The following TOGARAM1 variants were observed in gnomAD, a reference collection of about 807,000 sequenced individuals.
TOGARAM1 encodes TOG array regulator of axonemal microtubules 1, also known as TOG array regulator of axonemal microtubules protein 1.
TOGARAM1 carries 100 observed loss-of-function variants against 166.6 expected under a neutral mutation model. The observed-to-expected ratio is 0.60, with a 90% CI of 0.51 to 0.71. TOGARAM1 has a LOEUF of 0.71. Ranked by LOEUF, TOGARAM1 falls within the 30% of genes least tolerant of loss-of-function variation. TOGARAM1 has a pLI of 0.00. For synonymous variants in TOGARAM1, 758 were observed against 763.8 expected, an observed-to-expected ratio of 0.99 and a Z score of 0.13; for missense variants, 2,029 against 2,102.7, an observed-to-expected ratio of 0.96 and a Z score of 0.69.
chr14:45,043,564 C>T, intron 11 of TOGARAM1, 122 bp from the exon 12 acceptor site: 1 of 658,650 alleles, frequency 1.5e-6, no homozygotes, highest in South Asian at 1.9e-5. Flanking sequence ...TCTTCTGAGC[C>T]TTTCTCACCT....
In TOGARAM1 at chr14:45,046,698, A is replaced by G; in HGVS notation, c.4308A>G (p.Glu1436=). The G allele has an allele frequency of 7.8e-7, 1 of 1,282,546 alleles. No individual in the cohort carries two copies. Among genetic ancestry groups the G allele is most frequent in the Admixed American group, 3.9e-5 (1 of 25,618 alleles). The allele number at this position is 1,282,546 out of a possible 1,614,324, so 79.4% of individuals were successfully genotyped here. The change falls in exon 14 of 20, where the codon GAA becomes GAG. Residue 1436 remains glutamate, a synonymous_variant. Transcript: ENST00000361462. ...AGTTTGCTCAAGACAGTTCACAAGA[A>G]ACCAGGTGAATATCTGCTAATGTTT... ...AAKFAQDSSQ[E]TRYYGRKMLF...
At chr14:44,971,612 T>A (rs1317932501) in intron 1 of TOGARAM1, among the ~76,000 whole-genome samples, 1 of 152,192 alleles carries the variant, frequency 6.6e-6, no homozygotes, top group African/African-American at 2.4e-5. Flanking sequence ...GCTCTTCCTT[T>A]GTTAGTTTCC....
At chr14:44,993,811 C>G (rs1234455097) in intron 1 of TOGARAM1, among the ~76,000 whole-genome samples, 1 of 152,206 alleles carries the variant, frequency 6.6e-6, no homozygotes, top group African/African-American at 2.4e-5. Flanking sequence ...ATCAACATTA[C>G]CACCTCCACC....
At chr14:45,071,578 T>G in intron 18 of TOGARAM1, 134 bp from the exon 19 acceptor site, 1 of 523,458 alleles carries the variant, frequency 1.9e-6, no homozygotes. Context: ...TAAATAGTGA[T>G]TATGTAGATT....
intron 11 of TOGARAM1, among the ~76,000 whole-genome samples, chr14:45,038,458 G>A (rs1035902707): frequency 6.6e-6 from 1 of 152,258 alleles, no homozygotes; most frequent in Non-Finnish European, 1.5e-5. Flanking sequence ...ACACAGCCAG[G>A]CATATGCTGG....
At chr14:45,027,890 A>T (rs1314251399) in intron 9 of TOGARAM1, among the ~76,000 whole-genome samples, 1 of 151,900 alleles carries the variant, frequency 6.6e-6, no homozygotes, top group Admixed American at 6.6e-5. Flanking sequence ...AAAAAAAAAG[A>T]AATTTTGATT....
chr14:45,038,262 G>T (rs1213443847), intron 11 of TOGARAM1, among the ~76,000 whole-genome samples: 1 of 152,194 alleles, frequency 6.6e-6, no homozygotes, highest in Non-Finnish European at 1.5e-5. Context: ...TACTATGCCA[G>T]CCAGAAACCT....
chr14:44,999,489 A>G lies in TOGARAM1; in HGVS notation c.2330A>G (p.Gln777Arg), dbSNP rs187083548. 2.5e-6 allele frequency: 4 copies of G among 1,603,172 alleles called. No individual in the cohort carries two copies. The highest frequency in any genetic ancestry group is 1.7e-6 in the Non-Finnish European group (2 of 1,174,184). The stretch of plus-strand genomic sequence containing the variant: ...TTCCTAGGGACAACTAGCAGTCATC[A>G]AGAAAAAGGTATAAGTTCCAAATTT... The part of the protein sequence containing the change: ...LQFLGTTSSH[Q>R]EKVYASLNFG... Residue 777 changes from glutamine (Q) to arginine (R), a missense_variant, in exon 3 of 20, where the codon CAA becomes CGA. Physicochemically the swap from Gln to Arg is conservative, Grantham distance 43. Around this residue, in one of 2 missense-constraint regions of TOGARAM1, gnomAD observed 1,453 missense variants for 1,432.2 expected, o/e 1.01. Coordinates refer to ENST00000361462, the MANE Select transcript of TOGARAM1 (RefSeq NM_001308120.2).
intron 11 of TOGARAM1, among the ~76,000 whole-genome samples, chr14:45,039,607 CA>C (rs1203779348): frequency 1.3e-5 from 2 of 152,194 alleles, no homozygotes; most frequent in African/African-American, 2.4e-5. Flanking sequence ...CAAGTGTGTG[CA>C]CACCCGGCTA....
intron 5 of TOGARAM1, 84 bp from the exon 6 acceptor site, chr14:45,008,829 C>T: frequency 2.8e-6 from 3 of 1,056,858 alleles, no homozygotes; most frequent in Non-Finnish European, 4.1e-6. Flanking sequence ...CTAGGTATAG[C>T]TAATGGAGTT....
At chr14:44,999,570 T>C in intron 3 of TOGARAM1, 73 bp downstream of exon 3, 6 of 1,303,552 alleles carry the variant, frequency 4.6e-6, no homozygotes, top group Non-Finnish European at 6.2e-6. Context: ...CTAACTTATA[T>C]GATATTTTGT....
chr14:44,966,611 ATTT>A lies in TOGARAM1; in HGVS notation c.2046+2150_2046+2152del, dbSNP rs201633630. On this transcript the variant is annotated intron_variant, in intron 1 of 19. Transcript: ENST00000361462. ...ATTACATATTATTTTTTGTTACTAA[ATTT>A]TTTTTAACTTTTTCATGATAAAATT... Among the ~76,000 whole-genome samples the A allele has an allele frequency of 4.2e-3, 631 of 151,952 alleles. 13 individuals carry two copies. The highest frequency in any genetic ancestry group is 0.041 in the East Asian group (210 of 5,174).
intron 16 of TOGARAM1, among the ~76,000 whole-genome samples, chr14:45,064,874 T>C (rs1883065332): frequency 6.6e-6 from 1 of 151,952 alleles, no homozygotes; most frequent in South Asian, 2.1e-4. Flanking sequence ...ATAAGATTGA[T>C]TGAGAGGTAG....
rs1887588542 is a variant in TOGARAM1 at position 44,999,413 on chromosome 14, G to C, written c.2254G>C (p.Gly752Arg). The change falls in exon 3 of 20, where the codon GGA (glycine) becomes CGA (arginine). Residue 752 changes from glycine to arginine, a missense_variant. Transcript: ENST00000361462. ...TNLSGKCAQL[G>R]FSQICGKTGS... ...TCTTTCTGGGAAATGTGCACAACTT[G>C]GATTTTCACAAATATGTGGTAAAAC... 2.5e-6 allele frequency: 4 copies of C among 1,610,272 alleles called. No individual in the cohort carries two copies. Among genetic ancestry groups the C allele is most frequent in the Non-Finnish European group, 3.4e-6 (4 of 1,177,786 alleles).
intron 1 of TOGARAM1, among the ~76,000 whole-genome samples, chr14:44,964,951 T>TAAAAAA (rs35780816): frequency 1.2e-5 from 1 of 85,894 alleles, no homozygotes; most frequent in African/African-American, 4.8e-5. Context: ...ACTAGAAAAG[T>TAAAAAA]AAAAAAAAAA....
chr14:45,051,142 AT>A (rs1267565730), intron 14 of TOGARAM1, among the ~76,000 whole-genome samples: 2 of 152,344 alleles, frequency 1.3e-5, no homozygotes, highest in East Asian at 1.9e-4. Flanking sequence ...TTATTTTATA[AT>A]TCATATAAAT....
intron 5 of TOGARAM1, among the ~76,000 whole-genome samples, chr14:45,008,694 C>T (rs764381980): frequency 4.6e-4 from 70 of 152,226 alleles, no homozygotes; most frequent in Non-Finnish European, 9.6e-4. Flanking sequence ...GATTCTTCCT[C>T]TCAAGGAGCT....
intron 14 of TOGARAM1, 38 bp downstream of exon 14, chr14:45,046,741 T>C (rs778858535): frequency 8.0e-7 from 1 of 1,243,174 alleles, no homozygotes; most frequent in African/African-American, 1.6e-5. Context: ...CTATTATTAA[T>C]AAGGGCTTAA....
chr14:45,012,529 C>T (rs1437339426), intron 7 of TOGARAM1, among the ~76,000 whole-genome samples: 1 of 152,110 alleles, frequency 6.6e-6, no homozygotes. Flanking sequence ...GTGAACTAAC[C>T]TGTAAGTCTT....
Sources: allele counts gnomAD v4.1 joint callset (sites outside exome capture counted in the v4.1 genomes callset), GRCh38; gene constraint gnomAD v4.1.1; regional missense constraint gnomAD v4.1.1; transcripts MANE v1.5; gene names NCBI Gene and HGNC (gene_info 2026-07-23, HGNC 2026-07-21).